The following BACH2 variants were observed in gnomAD, a reference collection of about 807,000 sequenced individuals.
BACH2 encodes transcription regulator protein BACH2.
In BACH2, 5 loss-of-function variants were observed where a neutral mutation model predicts 61.8. The observed-to-expected ratio is 0.08, with a 90% CI of 0.04 to 0.17. BACH2 has a LOEUF of 0.17. Among genes scored for constraint, BACH2 ranks in the 10% least tolerant of loss-of-function variants. BACH2 has a pLI of 1.00. For synonymous variants in BACH2, 446 were observed against 440.1 expected (o/e 1.01, Z -0.17); for missense variants, 824 against 1,091.1 (o/e 0.76, Z 3.45).
At chr6:90,141,360 C>T (rs1582412467) in intron 4 of BACH2, among the ~76,000 whole-genome samples, 1 of 151,876 alleles carries the variant, frequency 6.6e-6, no homozygotes, top group Non-Finnish European at 1.5e-5. Flanking sequence ...TTTGTATTTT[C>T]AGTAGAGACG....
At chr6:90,088,243 C>T (rs1782015644) in intron 5 of BACH2, among the ~76,000 whole-genome samples, 1 of 152,092 alleles carries the variant, frequency 6.6e-6, no homozygotes, top group African/African-American at 2.4e-5. Flanking sequence ...CAATGTATTT[C>T]CCAACTCAGG....
At chr6:90,207,906 T>C (rs1011659839) in intron 3 of BACH2, among the ~76,000 whole-genome samples, 13 of 152,124 alleles carry the variant, frequency 8.5e-5, no homozygotes, top group Admixed American at 1.3e-4. Flanking sequence ...ATTTTGCAAT[T>C]TACATTTTCA....
chr6:89,986,015 C>T (rs1030998220), intron 6 of BACH2, among the ~76,000 whole-genome samples: 7 of 152,152 alleles, frequency 4.6e-5, no homozygotes, highest in East Asian at 1.9e-4. Flanking sequence ...CTGTTATAGC[C>T]GGACTTGTAA....
intron 4 of BACH2, among the ~76,000 whole-genome samples, chr6:90,131,275 A>G (rs1481498289): frequency 6.6e-6 from 1 of 152,238 alleles, no homozygotes; most frequent in Non-Finnish European, 1.5e-5. Context: ...AGCCTGCTTC[A>G]AGTCCTGTGT....
At position 90,058,699 on chromosome 6, in the gene BACH2, C is replaced by A. The variant is rs559357420; in HGVS notation, c.-13+30262G>T. 9.7e-3 allele frequency among the ~76,000 whole-genome samples: 1,471 copies of A among 152,240 alleles called. 22 individuals are homozygous for A. The highest frequency in any genetic ancestry group is 0.034 in the African/African-American group (1,412 of 41,512). The stretch of plus-strand genomic sequence containing the variant: ...TAAGCCAAAAGAACAAAGCTGGAGG[C>A]ATCACACTAGCTGACTTCAAACTAT... On this transcript the variant is annotated intron_variant, in intron 5 of 8. Transcript: ENST00000257749.
At chr6:90,168,304 T>C (rs1437658031) in intron 4 of BACH2, among the ~76,000 whole-genome samples, 1 of 152,142 alleles carries the variant, frequency 6.6e-6, no homozygotes, top group Non-Finnish European at 1.5e-5. Flanking sequence ...CAGGGAGTCA[T>C]GATCATGCCA....
intron 4 of BACH2, among the ~76,000 whole-genome samples, chr6:90,130,149 G>T (rs575983419): frequency 1.3e-5 from 2 of 152,300 alleles, no homozygotes; most frequent in Admixed American, 6.5e-5. Flanking sequence ...GGGATTACAG[G>T]AGTAAGCCAC....
chr6:89,950,675 C>A lies in BACH2; in HGVS notation c.1431G>T (p.Ser477=), dbSNP rs776091393. 1 of 1,614,004 alleles carries A rather than the reference C, an allele frequency of 6.2e-7. No homozygotes were observed. Among genetic ancestry groups the A allele is most frequent in the South Asian group, 1.1e-5 (1 of 91,086 alleles). The change falls in exon 7 of 9, where the codon TCG becomes TCT. Residue 477 remains serine, a synonymous_variant. Transcript: ENST00000257749. The surrounding 1 kb of genome is among the most constrained non-coding windows in gnomAD (Gnocchi z 5.3). ...TCAGCCCACCGTGGGAGTAGGCCTG[C>A]GAGCTGGGGAGGGACTGGCCGGCTC... ...WVGAGQSLPS[S]QAYSHGGLMA...
intron 4 of BACH2, among the ~76,000 whole-genome samples, chr6:90,189,950 AT>A (rs66901248): frequency 2.3e-4 from 35 of 149,866 alleles, no homozygotes; most frequent in Non-Finnish European, 4.3e-4. Context: ...AACTCTGAGC[AT>A]TTTTTTTTTA....
chr6:90,268,808 A>G (rs375930705), intron 2 of BACH2, among the ~76,000 whole-genome samples: 28 of 152,306 alleles, frequency 1.8e-4, no homozygotes, highest in African/African-American at 5.5e-4. Flanking sequence ...TAATAATGAA[A>G]GATTAGATTC....
At chr6:90,087,291 T>C (rs1447485023) in intron 5 of BACH2, among the ~76,000 whole-genome samples, 3 of 152,208 alleles carry the variant, frequency 2.0e-5, no homozygotes, top group Non-Finnish European at 4.4e-5. Context: ...TAAAATGTTA[T>C]AAATCACAGT....
intron 3 of BACH2, among the ~76,000 whole-genome samples, chr6:90,230,991 G>T (rs1362688515): frequency 6.6e-6 from 1 of 152,106 alleles, no homozygotes; most frequent in Non-Finnish European, 1.5e-5. Context: ...GGGGGATGAG[G>T]AATGTGGTAC....
rs139729121 is a variant in BACH2 at position 89,938,878 on chromosome 6, T to C, written c.1837-528A>G. 1.1e-4 allele frequency among the ~76,000 whole-genome samples: 17 copies of C among 152,286 alleles called. No individual in the cohort carries two copies. The East Asian group carries it at 2.1e-3, about 19-fold the overall frequency. The stretch of plus-strand genomic sequence containing the variant: ...TTGGATAGGCTTCACTAGCATATAG[T>C]AGGAGTCAAAAGAACCGGGCTTTCA... On this transcript the variant is annotated intron_variant, in intron 7 of 8. Transcript: ENST00000257749.
chr6:90,112,932 G>GA (rs1380079100), intron 4 of BACH2, among the ~76,000 whole-genome samples: 1 of 151,678 alleles, frequency 6.6e-6, no homozygotes, highest in African/African-American at 2.4e-5. Context: ...ATGGAAAACA[G>GA]AAAAAAAGCA....
At chr6:90,138,899 C>T (rs559548965) in intron 4 of BACH2, among the ~76,000 whole-genome samples, 8 of 152,276 alleles carry the variant, frequency 5.3e-5, no homozygotes, top group Non-Finnish European at 8.8e-5. Flanking sequence ...GGTTTTGTAA[C>T]AAGAAAGCGG....
intron 3 of BACH2, chr6:90,218,170 AT>A (rs1005077408): frequency 2.5e-4 from 38 of 152,140 alleles, no homozygotes; most frequent in African/African-American, 8.9e-4. Context: ...GAGCAAACTC[AT>A]TTTCTGTAAA....
At chr6:90,179,488 A>G (rs779971067) in intron 4 of BACH2, among the ~76,000 whole-genome samples, 7 of 152,192 alleles carry the variant, frequency 4.6e-5, no homozygotes, top group Non-Finnish European at 8.8e-5. Flanking sequence ...CTGATCTACC[A>G]AAACAAAAAA....
chr6:90,033,057 G>A (rs553646898), intron 5 of BACH2, among the ~76,000 whole-genome samples: 2 of 152,114 alleles, frequency 1.3e-5, no homozygotes, highest in Non-Finnish European at 2.9e-5. Flanking sequence ...GTCCTTTGTA[G>A]GGACATGGAT....
intron 1 of BACH2, among the ~76,000 whole-genome samples, chr6:90,274,580 C>T (rs903495928): frequency 1.3e-5 from 2 of 152,210 alleles, no homozygotes; most frequent in African/African-American, 4.8e-5. Flanking sequence ...CCGCCCCCAC[C>T]TGACCACCTG....
Sources: gnomAD v4.1 joint callset for allele counts (sites outside exome capture counted in the v4.1 genomes callset) on GRCh38, gnomAD v4.1.1 for gene constraint, Gnocchi (gnomAD v3.1) non-coding constraint, MANE v1.5 for transcripts, NCBI Gene and HGNC (gene_info 2026-07-23, HGNC 2026-07-21) for gene names.